Variants in OSTN observed in about 807,000 individuals in gnomAD.
OSTN encodes the protein osteocrin.
Under a neutral mutation model 12.0 loss-of-function variants are expected in OSTN, and 9 were observed. That is an observed-to-expected ratio of 0.75 (90% CI 0.45 to 1.30). OSTN has a LOEUF of 1.30. Among genes scored for constraint, OSTN ranks in the 50% most tolerant of loss-of-function variants. The probability of loss-of-function intolerance (pLI) is 0.00; values close to 1 mark genes in which losing one functional copy is unlikely to be tolerated. For missense variants in OSTN, 148 were observed against 152.3 expected (o/e 0.97, Z 0.15); for synonymous variants, 59 against 56.9 (o/e 1.04, Z -0.16).
intron 2 of OSTN, chr3:191,213,289 A>G (rs1714513802): frequency 6.6e-6 from 1 of 152,184 alleles, no homozygotes; most frequent in South Asian, 2.1e-4. Flanking sequence ...GAAAATCGGT[A>G]GTTTTTTATT....
At chr3:191,232,279 G>GC (rs1398343273) in intron 3 of OSTN, among the ~76,000 whole-genome samples, 2 of 138,654 alleles carry the variant, frequency 1.4e-5, no homozygotes, top group Non-Finnish European at 3.0e-5. Flanking sequence ...GTTTCAGTGA[G>GC]CCAAGATTGT....
At chr3:191,199,872 T>A (rs1026291273) in intron 1 of OSTN, among the ~76,000 whole-genome samples, 2 of 152,096 alleles carry the variant, frequency 1.3e-5, no homozygotes, top group Admixed American at 1.3e-4. Context: ...TTCTTCAGTA[T>A]TTGTAGTGCT....
At chr3:191,231,555 C>T (rs1337141469) in intron 3 of OSTN, among the ~76,000 whole-genome samples, 2 of 152,086 alleles carry the variant, frequency 1.3e-5, no homozygotes, top group Admixed American at 6.5e-5. Context: ...AATTTTACTG[C>T]TTCCTTATGT....
rs1431456133 is a variant in OSTN at position 191,249,913 on chromosome 3, T to C, written c.318-124T>C. The C allele has an allele frequency of 1.8e-5, 12 of 679,608 alleles. No homozygotes were observed. In the Admixed American group the frequency reaches 2.6e-4, roughly 15 times the overall value. 42.1% of individuals were successfully genotyped at this position (679,608 alleles called of 1,614,324 possible). A position where few individuals can be genotyped will look rare whatever the true frequency, so the allele number is the denominator to read the frequency against. The stretch of plus-strand genomic sequence containing the variant: ...CTGGCACATAGTGAGTACTGGTGAG[T>C]GGGAACTATCATGTTTATTCCAACT... On this transcript the variant is annotated intron_variant, in intron 3 of 4. Transcript: ENST00000682035.
intron 3 of OSTN, among the ~76,000 whole-genome samples, chr3:191,225,376 A>G (rs1714883239): frequency 6.6e-6 from 1 of 152,176 alleles, no homozygotes; most frequent in Non-Finnish European, 1.5e-5. Context: ...TTCACAGGAG[A>G]ATTTTACCAA....
chr3:191,258,659 TAAA>T (rs71635349), intron 4 of OSTN, among the ~76,000 whole-genome samples: 1 of 142,088 alleles, frequency 7.0e-6, no homozygotes, highest in South Asian at 2.2e-4. Flanking sequence ...AAAGTATAAT[TAAA>T]AAAAAAAAAA....
Position 191,258,400 on chromosome 3 carries a change from T to G in OSTN, c.*13-4466T>G, listed in dbSNP as rs188125494. On this transcript the variant is annotated intron_variant, in intron 4 of 4. Transcript: ENST00000682035. ...GTGGATGCAGTTAAAAGGCAAAGCA[T>G]TTAGATGTTTAAAAAGCAAGGGTTT... Among the ~76,000 whole-genome samples the G allele has an allele frequency of 7.2e-5, 11 of 152,210 alleles. No individual in the cohort carries two copies. The East Asian group carries it at 1.5e-3, about 21-fold the overall frequency.
intron 3 of OSTN, among the ~76,000 whole-genome samples, chr3:191,232,055 G>T (rs1031455515): frequency 1.3e-5 from 2 of 151,912 alleles, no homozygotes; most frequent in African/African-American, 4.8e-5. Flanking sequence ...CTGTGGCTGG[G>T]TGCGGTGGCT....
chr3:191,249,422 G>A (rs1715509166), intron 3 of OSTN, among the ~76,000 whole-genome samples: 2 of 152,106 alleles, frequency 1.3e-5, no homozygotes, highest in Admixed American at 1.3e-4. Flanking sequence ...GTACTGTGTG[G>A]ACTTTTTATA....
At chr3:191,253,963 G>A (rs1715617948) in intron 4 of OSTN, among the ~76,000 whole-genome samples, 1 of 152,174 alleles carries the variant, frequency 6.6e-6, no homozygotes, top group Non-Finnish European at 1.5e-5. Flanking sequence ...GGAGAGATTT[G>A]GATTAGAGGT....
chr3:191,229,004 A>C (rs1714982261), intron 3 of OSTN, among the ~76,000 whole-genome samples: 1 of 151,830 alleles, frequency 6.6e-6, no homozygotes, highest in Non-Finnish European at 1.5e-5. Context: ...TACCTGTAAA[A>C]CAGTATTGCC....
intron 2 of OSTN, among the ~76,000 whole-genome samples, chr3:191,213,568 GT>G (rs756730591): frequency 2.3e-4 from 35 of 151,984 alleles, no homozygotes; most frequent in Non-Finnish European, 3.8e-4. Context: ...AATTTGAGTA[GT>G]TTTGTTCAAA....
At chr3:191,262,752 T>C in intron 4 of OSTN, 114 bp from the exon 5 acceptor site, 3 of 624,314 alleles carry the variant, frequency 4.8e-6, no homozygotes, top group Non-Finnish European at 2.9e-6. Context: ...ATAAAGGCTA[T>C]AATGAAACAG....
chr3:191,222,494 C>T (rs1714792461), intron 3 of OSTN, among the ~76,000 whole-genome samples: 2 of 152,340 alleles, frequency 1.3e-5, no homozygotes, highest in South Asian at 4.1e-4. Flanking sequence ...TACCCAATGC[C>T]TGTCCCCCCA....
chr3:191,239,304 G>C (rs1560121506), intron 3 of OSTN, among the ~76,000 whole-genome samples: 1 of 66,624 alleles, frequency 1.5e-5, no homozygotes, highest in Non-Finnish European at 2.8e-5. Context: ...GTTACTTGGT[G>C]TATGCCCTGT....
At chr3:191,201,776 G>A (rs148771394) in intron 1 of OSTN, among the ~76,000 whole-genome samples, 28 of 151,978 alleles carry the variant, frequency 1.8e-4, no homozygotes, top group Middle Eastern at 3.4e-3. Context: ...AATTTTGTTC[G>A]TTAAAATGAA....
chr3:191,202,326 A>G (rs6444519), intron 1 of OSTN, among the ~76,000 whole-genome samples: 60,317 of 151,666 alleles, frequency 0.4, 12,600 homozygotes, highest in African/African-American at 0.54. Flanking sequence ...TCCAGAAAGG[A>G]TCTGCTCTTG....
At chr3:191,215,864 T>C (rs1714595906) in intron 2 of OSTN, among the ~76,000 whole-genome samples, 1 of 152,182 alleles carries the variant, frequency 6.6e-6, no homozygotes, top group African/African-American at 2.4e-5. Flanking sequence ...CAGTGCAAGC[T>C]GTCGGTGGAG....
intron 4 of OSTN, among the ~76,000 whole-genome samples, chr3:191,261,273 T>G (rs1332404529): frequency 6.6e-6 from 1 of 152,144 alleles, no homozygotes; most frequent in Non-Finnish European, 1.5e-5. Flanking sequence ...ATTTAATGTG[T>G]ATACAGGGGA....
Sources: gnomAD v4.1 joint callset for allele counts (sites outside exome capture counted in the v4.1 genomes callset) on GRCh38, gnomAD v4.1.1 for gene constraint, MANE v1.5 for transcripts, NCBI Gene and HGNC (gene_info 2026-07-23, HGNC 2026-07-21) for gene names.